The following FBXW8 variants were observed in gnomAD, a reference collection of about 807,000 sequenced individuals.
The protein encoded by FBXW8 is F-box and WD repeat domain containing 8, also known as F-box/WD repeat-containing protein 8.
In FBXW8, 57 loss-of-function variants were observed where a neutral mutation model predicts 65.3. The observed-to-expected ratio is 0.87, with a 90% CI of 0.71 to 1.09. FBXW8 has a LOEUF of 1.09. FBXW8 is among the 50% of genes least tolerant of loss of function. The pLI, the probability that FBXW8 is intolerant of heterozygous loss-of-function variation, is 0.00. For synonymous variants in FBXW8, 308 were observed against 330.2 expected (o/e 0.93, Z 0.73); for missense variants, 777 against 814.8 (o/e 0.95, Z 0.57).
chr12:116,932,908 T>C (rs1337179477), intron 2 of FBXW8, among the ~76,000 whole-genome samples: 1 of 152,224 alleles, frequency 6.6e-6, no homozygotes, highest in African/African-American at 2.4e-5. Context: ...ATTTTCAATA[T>C]TCTTGATTAT....
intron 8 of FBXW8, among the ~76,000 whole-genome samples, chr12:117,016,297 G>A (rs970584224): frequency 6.6e-6 from 1 of 152,198 alleles, no homozygotes; most frequent in Non-Finnish European, 1.5e-5. Context: ...GATGAGGGTT[G>A]TAGTTTCTCC....
intron 6 of FBXW8, 194 bp downstream of exon 6, chr12:116,985,596 C>T (rs1885623970): frequency 1.7e-6 from 1 of 574,266 alleles, no homozygotes; most frequent in East Asian, 3.0e-5. Flanking sequence ...CTTCAGGCTG[C>T]TTAGAGCAGT....
At chr12:117,020,437 A>G (rs1954067436) in intron 8 of FBXW8, among the ~76,000 whole-genome samples, 1 of 151,514 alleles carries the variant, frequency 6.6e-6, no homozygotes, top group African/African-American at 2.4e-5. Context: ...AGCTGTCCGC[A>G]CTCTGTTTTT....
chr12:116,967,881 C>T (rs1377414682), intron 5 of FBXW8, among the ~76,000 whole-genome samples: 1 of 152,182 alleles, frequency 6.6e-6, no homozygotes, highest in African/African-American at 2.4e-5. Flanking sequence ...ATTCTCCTGC[C>T]TCAGCCTCCT....
intron 4 of FBXW8, among the ~76,000 whole-genome samples, chr12:116,958,913 A>G (rs1327628708): frequency 6.6e-6 from 1 of 152,224 alleles, no homozygotes; most frequent in Non-Finnish European, 1.5e-5. Context: ...CTAGGCAACC[A>G]CTACCATGTA....
At chr12:116,985,111 G>A (rs532069255) in intron 5 of FBXW8, 95 bp from the exon 6 acceptor site, 483 of 1,118,730 alleles carry the variant, frequency 4.3e-4, no homozygotes, top group Admixed American at 5.7e-4. Flanking sequence ...AGGTATCTCC[G>A]TTAAAAAATT....
At chr12:116,991,888 T>TA (rs1024033140) in intron 7 of FBXW8, among the ~76,000 whole-genome samples, 2 of 152,206 alleles carry the variant, frequency 1.3e-5, no homozygotes, top group African/African-American at 4.8e-5. Flanking sequence ...AGAATATTCT[T>TA]ACACCGTATG....
At position 116,988,812 on chromosome 12, in the gene FBXW8, G is replaced by C. The variant is rs1484381218; in HGVS notation, c.1182G>C (p.Ser394=). 5 of 1,614,040 alleles carry C rather than the reference G, an allele frequency of 3.1e-6. No homozygotes were observed. The highest frequency in any genetic ancestry group is 3.4e-6 in the Non-Finnish European group (4 of 1,180,022). The change falls in exon 7 of 11, where the codon TCG becomes TCC. Residue 394 remains serine, a synonymous_variant. Transcript: ENST00000652555. ...CGCCTGTCACATGTCTAGACGTCTC[G>C]GCCAACCAAGTTGCTTTTGGTGTAC... is the stretch of plus-strand genomic sequence containing the variant. The part of the protein sequence containing the change: ...HGPPVTCLDV[S]ANQVAFGVQG...
chr12:116,974,958 C>T (rs1884836579), intron 5 of FBXW8, among the ~76,000 whole-genome samples: 1 of 152,096 alleles, frequency 6.6e-6, no homozygotes, highest in Non-Finnish European at 1.5e-5. Flanking sequence ...TAAATTGGAG[C>T]TCCTGAGGGC....
chr12:117,009,254 G>A (rs531849336), intron 7 of FBXW8, among the ~76,000 whole-genome samples: 31 of 152,118 alleles, frequency 2.0e-4, no homozygotes, highest in South Asian at 2.1e-4. Flanking sequence ...TCAGCAGGCC[G>A]TGGTGTTACA....
In FBXW8 at chr12:116,912,724, A is replaced by G. The variant is rs551411516; in HGVS notation, c.318+1369A>G. ...GTGATCCGCCCGCCTCGGCCTCCCT[A>G]AGTGCTGGGATTACAGGCGTGAGCC... On this transcript the variant is annotated intron_variant, in intron 1 of 10. Coordinates refer to ENST00000652555, the MANE Select transcript of FBXW8 (RefSeq NM_153348.3). 1.4e-3 allele frequency among the ~76,000 whole-genome samples: 216 copies of G among 152,110 alleles called. 1 individual carries two copies. The highest frequency in any genetic ancestry group is 4.9e-3 in the African/African-American group (204 of 41,514).
chr12:116,941,007 G>A (rs893890014), intron 2 of FBXW8, among the ~76,000 whole-genome samples: 5 of 152,202 alleles, frequency 3.3e-5, no homozygotes, highest in South Asian at 4.1e-4. Flanking sequence ...AAATATGATC[G>A]CTGTCTTCAG....
intron 2 of FBXW8, among the ~76,000 whole-genome samples, chr12:116,930,805 CTTA>C (rs1281097283): frequency 6.6e-6 from 1 of 151,984 alleles, no homozygotes; most frequent in Non-Finnish European, 1.5e-5. Flanking sequence ...CCGTTTTGAA[CTTA>C]TTTTTATTTT....
At position 116,920,412 on chromosome 12, in the gene FBXW8, A is replaced by G. The variant is rs146853754; in HGVS notation, c.319-7611A>G. Among the ~76,000 whole-genome samples the G allele has an allele frequency of 3.8e-3, 585 of 152,378 alleles. 2 individuals are homozygous for G. Among genetic ancestry groups the G allele is most frequent in the African/African-American group, 0.012 (503 of 41,594 alleles). ...GGCACTGAGAATATAGCATTGAACA[A>G]GGCAGAAAAAAGCCTGTGCCCTTGT... On this transcript the variant is annotated intron_variant, in intron 1 of 10. Coordinates refer to ENST00000652555, the MANE Select transcript of FBXW8 (RefSeq NM_153348.3).
chr12:116,914,486 T>C (rs1325007969), intron 1 of FBXW8, among the ~76,000 whole-genome samples: 2 of 149,324 alleles, frequency 1.3e-5, no homozygotes, highest in Admixed American at 6.7e-5. Flanking sequence ...TGTGGGAGGA[T>C]TGATTGAGGC....
At chr12:116,921,759 A>G (rs1388168946) in intron 1 of FBXW8, among the ~76,000 whole-genome samples, 3 of 152,070 alleles carry the variant, frequency 2.0e-5, no homozygotes, top group Non-Finnish European at 4.4e-5. Flanking sequence ...AGAAGAAAAT[A>G]AAAGTCTTTA....
chr12:117,011,296 CT>C (rs1953808667), intron 8 of FBXW8, among the ~76,000 whole-genome samples: 1 of 152,094 alleles, frequency 6.6e-6, no homozygotes, highest in South Asian at 2.1e-4. Context: ...GCGGGTACTC[CT>C]CTGTGCCAGA....
chr12:116,993,700 G>A (rs945514996), intron 7 of FBXW8, among the ~76,000 whole-genome samples: 1 of 151,968 alleles, frequency 6.6e-6, no homozygotes, highest in African/African-American at 2.4e-5. Flanking sequence ...TGGGTTGTCT[G>A]TTTACTCTGT....
intron 8 of FBXW8, among the ~76,000 whole-genome samples, chr12:117,023,169 C>T (rs773668776): frequency 1.3e-5 from 2 of 152,094 alleles, no homozygotes; most frequent in African/African-American, 4.8e-5. Context: ...GACGTGTGTG[C>T]GCATGCTTGC....
Sources: allele counts gnomAD v4.1 joint callset (sites outside exome capture counted in the v4.1 genomes callset), GRCh38; gene constraint gnomAD v4.1.1; transcripts MANE v1.5; gene names NCBI Gene and HGNC (gene_info 2026-07-23, HGNC 2026-07-21).